LOXHD1: variants seen among roughly 807,000 people sequenced by gnomAD.
LOXHD1 encodes lipoxygenase homology PLAT domains 1.
Under a neutral mutation model 248.2 loss-of-function variants are expected in LOXHD1, and 205 were observed. The ratio of observed to expected loss-of-function variants is 0.83; its 90% CI spans 0.74 to 0.93. The LOEUF is 0.93. Ranked by LOEUF, LOXHD1 falls within the 40% of genes least tolerant of loss-of-function variation. The pLI is 0.00. For synonymous variants in LOXHD1, 1,113 were observed against 1,162.8 expected (o/e 0.96, Z 0.87); for missense variants, 2,930 against 2,971.6 (o/e 0.99, Z 0.33).
At chr18:46,654,084 T>C (rs930969675) in intron 1 of LOXHD1, among the ~76,000 whole-genome samples, 17 of 152,102 alleles carry the variant, frequency 1.1e-4, no homozygotes, top group Non-Finnish European at 1.2e-4. Context: ...TTCCCCCTCG[T>C]GAAAGGGATT....
chr18:46,639,944 C>G, intron 3 of LOXHD1, 144 bp from the exon 4 acceptor site: 1 of 1,010,264 alleles, frequency 9.9e-7, no homozygotes, highest in Non-Finnish European at 1.5e-6. Context: ...CCTCGGTTTC[C>G]TCATCTATAA....
intron 12 of LOXHD1, among the ~76,000 whole-genome samples, chr18:46,586,570 C>T (rs1370539946): frequency 3.9e-5 from 6 of 152,210 alleles, no homozygotes; most frequent in Middle Eastern, 3.4e-3. Context: ...CTCAGCCTCC[C>T]GAGTAACTGG....
chr18:46,651,909 G>A (rs1428920550), intron 1 of LOXHD1, among the ~76,000 whole-genome samples: 1 of 152,150 alleles, frequency 6.6e-6, no homozygotes, highest in African/African-American at 2.4e-5. Flanking sequence ...AGAAATGAAA[G>A]TGTGTTCCCA....
rs1344197096 is a variant in LOXHD1 at position 46,522,087 on chromosome 18, C to G, written c.5085+14G>C. The stretch of plus-strand genomic sequence containing the variant: ...TAGGGTGGTCACTATCATGGGGCCC[C>G]GAGAAGCCAGCACCTCTATTTTCTT... On this transcript the variant is annotated intron_variant, in intron 32 of 40. Coordinates refer to ENST00000642948, the MANE Select transcript of LOXHD1 (RefSeq NM_001384474.1). The G allele has an allele frequency of 3.9e-6, 6 of 1,542,630 alleles. No homozygotes were observed. Among genetic ancestry groups the G allele is most frequent in the South Asian group, 1.2e-5 (1 of 83,634 alleles).
At chr18:46,509,655 T>C in intron 35 of LOXHD1, 43 bp downstream of exon 35, 1 of 1,382,428 alleles carries the variant, frequency 7.2e-7, no homozygotes, top group South Asian at 1.2e-5. Context: ...GGGGAAGGGG[T>C]GGGTGGTGGC....
intron 34 of LOXHD1, among the ~76,000 whole-genome samples, chr18:46,513,387 G>T (rs2144017317): frequency 6.6e-6 from 1 of 152,338 alleles, no homozygotes; most frequent in African/African-American, 2.4e-5. Context: ...ATGGTAAAAA[G>T]AAAAGGGAGG....
At chr18:46,606,341 T>TACACACACACAC (rs139309417) in intron 6 of LOXHD1, among the ~76,000 whole-genome samples, 2 of 150,448 alleles carry the variant, frequency 1.3e-5, no homozygotes, top group Non-Finnish European at 3.0e-5. Flanking sequence ...TGTATATATA[T>TACACACACACAC]ACACACACAC....
chr18:46,538,216 G>T lies in LOXHD1; in HGVS notation c.4035C>A (p.Thr1345=). The stretch of plus-strand genomic sequence containing the variant: ...AGAACTGCTTCTGTTCCCTCTTGTT[G>T]GTACACAGATACTTCTGCTGGGTGC... ...AVCTQQKYLC[T]NKREQKQFFE... Residue 1345 remains threonine (T), a synonymous_variant, in exon 26 of 41, where the codon ACC becomes ACA. Coordinates refer to ENST00000642948, the MANE Select transcript of LOXHD1 (RefSeq NM_001384474.1). 2 of 1,545,972 alleles carry T rather than the reference G, an allele frequency of 1.3e-6. No individual in the cohort carries two copies. The highest frequency in any genetic ancestry group is 1.8e-6 in the Non-Finnish European group (2 of 1,142,176).
Position 46,557,508 on chromosome 18 carries a change from C to T in LOXHD1, c.3217-19G>A. The T allele has an allele frequency of 3.9e-6, 6 of 1,551,752 alleles. No homozygotes were observed. Among genetic ancestry groups the T allele is most frequent in the Non-Finnish European group, 5.2e-6 (6 of 1,147,014 alleles). ...TGTCTGTCTGGGAAGGGCCAGGGAA[C>T]ACTCAGTGGGGTAAGACCTACCCCT... is the stretch of plus-strand genomic sequence containing the variant. On this transcript the variant is annotated intron_variant, in intron 20 of 40. Coordinates refer to ENST00000642948, the MANE Select transcript of LOXHD1 (RefSeq NM_001384474.1).
rs116652798 is a variant in LOXHD1, at chr18:46,595,719, A to C, written c.1135-1253T>G. Among the ~76,000 whole-genome samples, 809 of 152,312 alleles carry C rather than the reference A, an allele frequency of 5.3e-3. 9 individuals carry two copies. The highest frequency in any genetic ancestry group is 0.019 in the African/African-American group (785 of 41,564). On this transcript the variant is annotated intron_variant, in intron 8 of 40. Coordinates refer to ENST00000642948, the MANE Select transcript of LOXHD1 (RefSeq NM_001384474.1). ...CACATATTTAGAAGTGGACCTATAC[A>C]TAGGCAAAGTTGGAGAGCATCCTCG...
intron 3 of LOXHD1, 106 bp downstream of exon 3, chr18:46,641,850 T>G: frequency 8.6e-7 from 1 of 1,166,628 alleles, no homozygotes; most frequent in Admixed American, 2.0e-5. Context: ...TGGTAGCCCC[T>G]CAAATAACAT....
At position 46,507,531 on chromosome 18, in the gene LOXHD1, G is replaced by T; in HGVS notation, c.5692+7C>A. On this transcript the variant is annotated splice_region_variant and intron_variant, in intron 36 of 40. Coordinates refer to ENST00000642948, the MANE Select transcript of LOXHD1 (RefSeq NM_001384474.1). ...GGAGCGGGAGGTGTGAGGGACCCCC[G>T]ACCCACCCAGGATGTCGCTGGTCTT... 1 of 1,551,546 alleles carries T rather than the reference G, an allele frequency of 6.4e-7. No individual in the cohort carries two copies. The highest frequency in any genetic ancestry group is 1.2e-5 in the South Asian group (1 of 84,018).
At chr18:46,576,727 T>C (rs1377818353) in intron 14 of LOXHD1, among the ~76,000 whole-genome samples, 2 of 152,200 alleles carry the variant, frequency 1.3e-5, no homozygotes, top group Non-Finnish European at 2.9e-5. Context: ...TTCACAATCA[T>C]TGACCTATGG....
chr18:46,531,580 T>TCG (rs373814500), intron 28 of LOXHD1, among the ~76,000 whole-genome samples: 28,175 of 152,094 alleles, frequency 0.19, 2,797 homozygotes, highest in African/African-American at 0.24. Flanking sequence ...CACTCCCCCT[T>TCG]TCTGCTTTCT....
chr18:46,612,163 A>G (rs919959556), intron 5 of LOXHD1, among the ~76,000 whole-genome samples: 6 of 152,096 alleles, frequency 3.9e-5, no homozygotes, highest in Non-Finnish European at 8.8e-5. Flanking sequence ...GGTTGCTTCT[A>G]TTTTTTTGCT....
At chr18:46,479,320 A>G (rs1598800529) in intron 40 of LOXHD1, among the ~76,000 whole-genome samples, 3 of 151,130 alleles carry the variant, frequency 2.0e-5, no homozygotes, top group Non-Finnish European at 2.9e-5. Flanking sequence ...CGAAGAAGCC[A>G]TCACAAGCAG....
At chr18:46,560,057 A>AACCC in intron 19 of LOXHD1, 26 bp downstream of exon 19, 2 of 261,646 alleles carry the variant, frequency 7.6e-6, no homozygotes, top group South Asian at 4.5e-5. Flanking sequence ...CTCCCTCCCC[A>AACCC]CCCCCACCCC....
intron 4 of LOXHD1, among the ~76,000 whole-genome samples, chr18:46,623,124 A>C (rs2144338819): frequency 6.6e-6 from 1 of 152,296 alleles, no homozygotes; most frequent in Admixed American, 6.5e-5. Flanking sequence ...TAGCAGGGCT[A>C]CCATTAGCCT....
intron 4 of LOXHD1, among the ~76,000 whole-genome samples, chr18:46,629,153 A>T (rs929252417): frequency 6.6e-6 from 1 of 152,144 alleles, no homozygotes; most frequent in Non-Finnish European, 1.5e-5. Flanking sequence ...AAAGACTCCA[A>T]GAGACCCCCT....
Sources: allele counts gnomAD v4.1 joint callset (sites outside exome capture counted in the v4.1 genomes callset), GRCh38; gene constraint gnomAD v4.1.1; transcripts MANE v1.5; gene names NCBI Gene and HGNC (gene_info 2026-07-23, HGNC 2026-07-21).